The following GLRA3 variants were observed in gnomAD, a reference collection of about 807,000 sequenced individuals.
GLRA3 encodes the protein glycine receptor alpha 3.
In GLRA3, 44 loss-of-function variants were observed where a neutral mutation model predicts 60.4. That is an observed-to-expected ratio of 0.73 (90% confidence interval 0.57 to 0.94). The LOEUF is 0.94. Ranked by LOEUF, GLRA3 falls within the 40% of genes least tolerant of loss-of-function variation. The pLI, the probability that GLRA3 is intolerant of heterozygous loss-of-function variation, is 0.00. For missense variants in GLRA3, 508 were observed against 564.6 expected, an observed-to-expected ratio of 0.90 and a Z score of 1.02; for synonymous variants, 223 against 192.9, an observed-to-expected ratio of 1.16 and a Z score of -1.29.
At chr4:174,744,963 A>G (rs1737182684) in intron 3 of GLRA3, among the ~76,000 whole-genome samples, 1 of 152,210 alleles carries the variant, frequency 6.6e-6, no homozygotes, top group South Asian at 2.1e-4. Context: ...ATCTTAGTGA[A>G]GAACCAAACA....
Position 174,786,475 on chromosome 4 carries a change from G to A in GLRA3, c.199+2341C>T, listed in dbSNP as rs1036057272. 3.3e-5 allele frequency among the ~76,000 whole-genome samples: 5 copies of A among 152,254 alleles called. No homozygotes were observed. The East Asian group carries it at 9.6e-4, about 29-fold the overall frequency. ...CCTTTTGTGTAAATGTCTTCTGTTAGGTATTGGATTCAGTTTGTTAGCACC... is the reference window on the plus strand; with the variant it reads ...CCTTTTGTGTAAATGTCTTCTGTTAAGTATTGGATTCAGTTTGTTAGCACC... On this transcript the variant is annotated intron_variant, in intron 2 of 9. Transcript: ENST00000274093.
chr4:174,814,268 A>G (rs1022282198), intron 1 of GLRA3, among the ~76,000 whole-genome samples: 3 of 152,150 alleles, frequency 2.0e-5, no homozygotes, highest in Admixed American at 1.3e-4. Flanking sequence ...TGGTGAATGT[A>G]GAGGATTATA....
intron 1 of GLRA3, among the ~76,000 whole-genome samples, chr4:174,791,712 A>G (rs1356871796): frequency 6.6e-6 from 1 of 152,020 alleles, no homozygotes; most frequent in Non-Finnish European, 1.5e-5. Context: ...GCATGCTTCT[A>G]TTGATTGCAT....
At chr4:174,683,129 C>A (rs1734419010) in intron 5 of GLRA3, among the ~76,000 whole-genome samples, 190 bp from the exon 6 acceptor site, 1 of 152,034 alleles carries the variant, frequency 6.6e-6, no homozygotes, top group Non-Finnish European at 1.5e-5. Context: ...ACGTGGAACT[C>A]CCACCAAATA....
intron 5 of GLRA3, among the ~76,000 whole-genome samples, chr4:174,691,391 CCCACGGTCTCCCTCTCCCTCTCTTT>C (rs1372306164): frequency 6.6e-6 from 1 of 151,984 alleles, no homozygotes; most frequent in African/African-American, 2.4e-5. Flanking sequence ...CCTCTCTCTC[CCCACGGTCTCCCTCTCCCTCTCTTT>C]CCACGGTCTC....
At chr4:174,653,675 A>G (rs1337321288) in intron 9 of GLRA3, among the ~76,000 whole-genome samples, 2 of 152,078 alleles carry the variant, frequency 1.3e-5, no homozygotes, top group Non-Finnish European at 2.9e-5. Context: ...CTATATATCT[A>G]TATCTAGCAT....
intron 2 of GLRA3, among the ~76,000 whole-genome samples, chr4:174,773,700 T>C (rs1738484125): frequency 6.6e-6 from 1 of 152,080 alleles, no homozygotes; most frequent in African/African-American, 2.4e-5. Context: ...AATCCAGATT[T>C]TAAATTATCT....
At chr4:174,817,812 G>A (rs574165805) in intron 1 of GLRA3, among the ~76,000 whole-genome samples, 23 of 152,122 alleles carry the variant, frequency 1.5e-4, no homozygotes, top group African/African-American at 5.3e-4. Flanking sequence ...TCGTCATGTT[G>A]GCCAGTCTGG....
rs1156471560 is a variant in GLRA3, at chr4:174,721,865, GTA to G, written c.492-6297_492-6296del. Among the ~76,000 whole-genome samples, 7 of 97,792 alleles carry G rather than the reference GTA, an allele frequency of 7.2e-5. No individual in the cohort carries two copies. In the East Asian group the frequency reaches 2.1e-3, roughly 29 times the overall value. 64.2% of individuals were successfully genotyped at this position (97,792 alleles called of 152,430 possible). On this transcript the variant is annotated intron_variant, in intron 4 of 9. Transcript: ENST00000274093. ...TATATGTGTGTATACATATGTGTGT[GTA>G]TATGTGTGTGTATATATATATGTGT...
chr4:174,680,643 G>A (rs1230976529), intron 6 of GLRA3, among the ~76,000 whole-genome samples: 1 of 152,066 alleles, frequency 6.6e-6, no homozygotes. Context: ...AGGGTATTAC[G>A]GAGCAAGGGG....
intron 4 of GLRA3, chr4:174,722,586 T>C (rs2111116179): frequency 6.5e-6 from 1 of 152,938 alleles, no homozygotes; most frequent in South Asian, 2.1e-4. Flanking sequence ...TGCTGTTTTT[T>C]CCCCATTACT....
intron 1 of GLRA3, among the ~76,000 whole-genome samples, chr4:174,801,194 C>A (rs928764581): frequency 4.6e-5 from 7 of 152,046 alleles, no homozygotes; most frequent in Admixed American, 4.6e-4. Context: ...TCCACACCAG[C>A]CTCTTTCACC....
chr4:174,782,837 G>A (rs879821117), intron 2 of GLRA3, among the ~76,000 whole-genome samples: 49 of 151,906 alleles, frequency 3.2e-4, no homozygotes, highest in Non-Finnish European at 5.7e-4. Flanking sequence ...ACAAATGGAA[G>A]AACATTCCAT....
chr4:174,815,605 A>C (rs1000666655), intron 1 of GLRA3, among the ~76,000 whole-genome samples: 10 of 152,162 alleles, frequency 6.6e-5, no homozygotes, highest in African/African-American at 2.4e-4. Flanking sequence ...GTGCACCCAC[A>C]TGCTCAACAC....
At chr4:174,686,558 G>A (rs1291861206) in intron 5 of GLRA3, among the ~76,000 whole-genome samples, 2 of 152,208 alleles carry the variant, frequency 1.3e-5, no homozygotes, top group African/African-American at 2.4e-5. Context: ...AGTACCAACT[G>A]TAAGGAAGAT....
chr4:174,744,175 T>G lies in GLRA3; in HGVS notation c.268-15477A>C, dbSNP rs2111177271. Among the ~76,000 whole-genome samples, 2 of 152,362 alleles carry G rather than the reference T, an allele frequency of 1.3e-5. 1 individual carries two copies. The highest frequency in any genetic ancestry group is 4.8e-5 in the African/African-American group (2 of 41,598). ...GTTGGCAACCCAGCATTGCAGCCAC[T>G]GGCAACACCACCGTGCGGTGCTTGG... On this transcript the variant is annotated intron_variant, in intron 3 of 9. Transcript: ENST00000274093.
chr4:174,827,868 C>T (rs902453416), intron 1 of GLRA3, among the ~76,000 whole-genome samples: 1 of 152,030 alleles, frequency 6.6e-6, no homozygotes, highest in Non-Finnish European at 1.5e-5. Context: ...GGACTTCAAT[C>T]CTCCTTTGAA....
chr4:174,769,896 T>C (rs1466394246), intron 2 of GLRA3, among the ~76,000 whole-genome samples: 1 of 152,156 alleles, frequency 6.6e-6, no homozygotes, highest in East Asian at 1.9e-4. Flanking sequence ...ATTTTGAAGA[T>C]ACTTTTTCAC....
At chr4:174,645,867 A>T (rs1225189120) in intron 9 of GLRA3, among the ~76,000 whole-genome samples, 2 of 152,212 alleles carry the variant, frequency 1.3e-5, no homozygotes, top group African/African-American at 4.8e-5. Flanking sequence ...TCCATATCCT[A>T]CAAATTAGAA....
Sources: allele counts gnomAD v4.1 joint callset (sites outside exome capture counted in the v4.1 genomes callset), GRCh38; gene constraint gnomAD v4.1.1; transcripts MANE v1.5; gene names NCBI Gene and HGNC (gene_info 2026-07-23, HGNC 2026-07-21).